Variants in PRELID2 observed in about 807,000 individuals in gnomAD.
PRELID2 encodes PRELI domain containing 2.
A neutral mutation model predicts 28.4 loss-of-function variants in PRELID2; 25 were observed. The observed-to-expected ratio is 0.88, with a 90% CI of 0.64 to 1.23. The LOEUF (loss-of-function observed/expected upper bound fraction) is 1.23, where lower values mean the gene tolerates loss of function less well. PRELID2 is among the 50% of genes most tolerant of loss of function. PRELID2 has a pLI of 0.00. For synonymous variants in PRELID2, 76 were observed against 71.6 expected, an observed-to-expected ratio of 1.06 and a Z score of -0.31; for missense variants, 201 against 214.4, an observed-to-expected ratio of 0.94 and a Z score of 0.39.
chr5:145,625,619 T>C (rs1753834979), intron 1 of PRELID2, among the ~76,000 whole-genome samples: 1 of 151,754 alleles, frequency 6.6e-6, no homozygotes, highest in African/African-American at 2.4e-5. Context: ...GGAGAAAACA[T>C]AATGTATGTA....
At chr5:145,812,833 C>T (rs959535224) in intron 4 of PRELID2, among the ~76,000 whole-genome samples, 1 of 152,126 alleles carries the variant, frequency 6.6e-6, no homozygotes, top group Non-Finnish European at 1.5e-5. Flanking sequence ...AAATTCCATT[C>T]CATAAAAAAC....
chr5:145,433,567 T>C, the PRELID2 span, among the ~76,000 whole-genome samples: 5 of 152,112 alleles, frequency 3.3e-5, no homozygotes, highest in Admixed American at 3.3e-4. Context: ...TATCAGCTTC[T>C]TTCCACAGTC....
intron 1 of PRELID2, among the ~76,000 whole-genome samples, chr5:145,538,130 C>G (rs1752717524): frequency 1.3e-5 from 2 of 151,868 alleles, no homozygotes. Context: ...GCATCTCTAT[C>G]AAAAATCAGT....
Position 145,668,365 on chromosome 5 carries a change from T to TA in PRELID2, n.70+96565dup, listed in dbSNP as rs200831248. Among the ~76,000 whole-genome samples the TA allele has an allele frequency of 2.7e-3, 379 of 141,950 alleles. 1 individual carries two copies. Among genetic ancestry groups the TA allele is most frequent in the East Asian group, 0.015 (72 of 4,908 alleles). 93.1% of individuals were successfully genotyped at this position (141,950 alleles called of 152,430 possible). A position where few individuals can be genotyped will look rare whatever the true frequency, so the allele number is the denominator to read the frequency against. ...TATAGAAATGGATTATGAAGGTGGT[T>TA]AAAAAAAAAAAAAAGATATCCAGGC... On this transcript the variant is annotated intron_variant and non_coding_transcript_variant, in intron 1 of 2. Transcript: ENST00000510259.
intron 1 of PRELID2, among the ~76,000 whole-genome samples, chr5:145,712,171 A>G (rs1755712911): frequency 6.6e-6 from 1 of 152,258 alleles, no homozygotes. Context: ...AATGTTCAGC[A>G]ATTTTGTGAG....
chr5:145,793,168 GTGA>G (rs1752506586), intron 5 of PRELID2, among the ~76,000 whole-genome samples: 1 of 152,124 alleles, frequency 6.6e-6, no homozygotes, highest in African/African-American at 2.4e-5. Flanking sequence ...CCCTTTAAGA[GTGA>G]TGAAGGAAGG....
At chr5:145,613,299 TA>T (rs1753647706) in intron 1 of PRELID2, among the ~76,000 whole-genome samples, 1 of 152,060 alleles carries the variant, frequency 6.6e-6, no homozygotes, top group African/African-American at 2.4e-5. Flanking sequence ...TTTATTTATT[TA>T]TTTTTTTATT....
the PRELID2 span, among the ~76,000 whole-genome samples, chr5:145,389,525 C>T: frequency 6.6e-6 from 1 of 152,090 alleles, no homozygotes; most frequent in Non-Finnish European, 1.5e-5. Flanking sequence ...TTTTGCTATT[C>T]TGGCTGCTTT....
intron 1 of PRELID2, among the ~76,000 whole-genome samples, chr5:145,699,955 G>A (rs1040590321): frequency 1.3e-5 from 2 of 152,112 alleles, no homozygotes; most frequent in African/African-American, 4.8e-5. Context: ...TCAGAAAGCT[G>A]AATATAAGTT....
At chr5:145,281,298 A>G in the PRELID2 span, among the ~76,000 whole-genome samples, 1 of 152,176 alleles carries the variant, frequency 6.6e-6, no homozygotes, top group Non-Finnish European at 1.5e-5. Flanking sequence ...CCTGGAAGTG[A>G]AGCCCAGTCT....
At chr5:145,281,140 T>C in the PRELID2 span, among the ~76,000 whole-genome samples, 1 of 152,130 alleles carries the variant, frequency 6.6e-6, no homozygotes, top group Admixed American at 6.6e-5. Context: ...CTTTACAACA[T>C]CAGCTAGAAA....
At chr5:145,340,519 G>T in the PRELID2 span, among the ~76,000 whole-genome samples, 8 of 152,130 alleles carry the variant, frequency 5.3e-5, no homozygotes, top group Non-Finnish European at 8.8e-5. Context: ...TGTAATCCCA[G>T]CACTTTGGGA....
chr5:145,365,312 T>C, the PRELID2 span, among the ~76,000 whole-genome samples: 3 of 152,038 alleles, frequency 2.0e-5, no homozygotes, highest in South Asian at 6.3e-4. Flanking sequence ...GGTAATAGAT[T>C]TATTATTTAG....
At chr5:145,405,853 C>T in the PRELID2 span, among the ~76,000 whole-genome samples, 2 of 151,786 alleles carry the variant, frequency 1.3e-5, no homozygotes, top group Non-Finnish European at 2.9e-5. Flanking sequence ...CTACAGGCAC[C>T]TGCCACCATG....
intron 1 of PRELID2, among the ~76,000 whole-genome samples, chr5:145,476,602 G>A (rs551893685): frequency 5.9e-5 from 9 of 151,862 alleles, no homozygotes; most frequent in East Asian, 1.9e-4. Flanking sequence ...CCGAGATTGC[G>A]CCACTGCACT....
At chr5:145,700,605 C>A (rs1755383512) in intron 1 of PRELID2, among the ~76,000 whole-genome samples, 1 of 152,112 alleles carries the variant, frequency 6.6e-6, no homozygotes, top group South Asian at 2.1e-4. Context: ...TGGTAGATGC[C>A]CAAGACAGTC....
At chr5:145,688,253 C>T (rs1755075757) in intron 1 of PRELID2, among the ~76,000 whole-genome samples, 2 of 152,158 alleles carry the variant, frequency 1.3e-5, no homozygotes, top group African/African-American at 4.8e-5. Flanking sequence ...GTTTGTTGCC[C>T]TCCAGTCTGA....
the PRELID2 span, among the ~76,000 whole-genome samples, chr5:145,435,897 C>T: frequency 6.6e-6 from 1 of 152,064 alleles, no homozygotes; most frequent in African/African-American, 2.4e-5. Context: ...TCATTTTTTT[C>T]ACATATAGAC....
chr5:145,768,094 G>A (rs950948738), intron 5 of PRELID2, among the ~76,000 whole-genome samples: 6 of 151,932 alleles, frequency 3.9e-5, no homozygotes, highest in Admixed American at 3.9e-4. Flanking sequence ...GCGTGGTGGT[G>A]GGTGCCTGTA....
Sources: allele counts gnomAD v4.1 joint callset (sites outside exome capture counted in the v4.1 genomes callset), GRCh38; gene constraint gnomAD v4.1.1; transcripts MANE v1.5; gene names NCBI Gene and HGNC (gene_info 2026-07-23, HGNC 2026-07-21).